Variants in ACSS1 observed in about 807,000 individuals in gnomAD.
ACSS1 encodes the protein acyl-CoA synthetase short chain family member 1.
ACSS1 carries 42 observed loss-of-function variants against 75.3 expected under a neutral mutation model. The observed-to-expected ratio is 0.56, with a 90% CI of 0.44 to 0.72. The LOEUF is 0.72. Ranked by LOEUF, ACSS1 falls within the 30% of genes least tolerant of loss-of-function variation. The pLI is 0.00. For synonymous variants in ACSS1, 380 were observed against 376.8 expected, an observed-to-expected ratio of 1.01 and a Z score of -0.10; for missense variants, 782 against 935.7, an observed-to-expected ratio of 0.84 and a Z score of 2.14.
Position 25,021,560 on chromosome 20 carries a change from C to A in ACSS1, c.961-24G>T, listed in dbSNP as rs199867391. On this transcript the variant is annotated intron_variant, in intron 5 of 13. Transcript: ENST00000323482. Reference sequence around the variant, plus strand: ...AGCTGCAGAGACAGGAAAGGAGCATCAGGAGCTTGTCCCCCCACTCCACCA... The same window carrying A: ...AGCTGCAGAGACAGGAAAGGAGCATAAGGAGCTTGTCCCCCCACTCCACCA... 209 of 1,609,442 alleles carry A rather than the reference C, an allele frequency of 1.3e-4. 2 individuals carry two copies. In the East Asian group the frequency reaches 2.4e-3, roughly 18 times the overall value.
intron 2 of ACSS1, among the ~76,000 whole-genome samples, chr20:25,043,866 G>T (rs567662417): frequency 6.6e-6 from 1 of 152,328 alleles, no homozygotes; most frequent in South Asian, 2.1e-4. Context: ...CCAGAGGGAT[G>T]GGTCCAAGGC....
chr20:25,044,569 TACCA>T (rs1466153542), intron 2 of ACSS1, among the ~76,000 whole-genome samples: 2 of 152,124 alleles, frequency 1.3e-5, no homozygotes. Flanking sequence ...GTTGTGACAG[TACCA>T]CTACACTCCA....
At chr20:25,046,999 G>A in intron 2 of ACSS1, 1 of 757,010 alleles carries the variant, frequency 1.3e-6, no homozygotes, top group Non-Finnish European at 2.5e-6. Flanking sequence ...GGGCCGAGGG[G>A]AGGAACGAGC....
At chr20:25,019,191 G>A (rs1370767469) in intron 7 of ACSS1, among the ~76,000 whole-genome samples, 2 of 152,118 alleles carry the variant, frequency 1.3e-5, no homozygotes, top group African/African-American at 2.4e-5. Flanking sequence ...GGCTGACCAC[G>A]CGTGACCACA....
chr20:25,024,620 C>T (rs192709206), intron 3 of ACSS1, among the ~76,000 whole-genome samples: 10 of 152,348 alleles, frequency 6.6e-5, no homozygotes, highest in Admixed American at 2.0e-4. Flanking sequence ...ACTCCCTACC[C>T]TTTGCATGGA....
intron 8 of ACSS1, among the ~76,000 whole-genome samples, 180 bp from the exon 9 acceptor site, chr20:25,014,253 G>A (rs2088475801): frequency 6.6e-6 from 1 of 152,200 alleles, no homozygotes; most frequent in South Asian, 2.1e-4. Context: ...ATGAGAGGCG[G>A]CCCCACAGTG....
chr20:25,010,343 CCTT>C (rs1264892695), intron 12 of ACSS1: 1 of 152,308 alleles, frequency 6.6e-6, no homozygotes, highest in Non-Finnish European at 1.5e-5. Context: ...GGGTCAGAGA[CCTT>C]CTCACTCACT....
chr20:25,057,866 G>A lies in ACSS1; in HGVS notation c.237C>T (p.Asp79=). The change falls in exon 1 of 14, where the codon GAC becomes GAT. Residue 79 remains aspartate, a synonymous_variant. Coordinates refer to ENST00000323482, the MANE Select transcript of ACSS1 (RefSeq NM_032501.4). ...PAAFWGPLAR[D]TLVWDTPYHT... ...GGTAGGGGGTGTCCCACACGAGAGT[G>A]TCCCGCGCCAGAGGCCCCCAGAAGG... 5 of 1,612,684 alleles carry A rather than the reference G, an allele frequency of 3.1e-6. No individual in the cohort carries two copies. The highest frequency in any genetic ancestry group is 4.2e-6 in the Non-Finnish European group (5 of 1,179,652).
chr20:25,056,995 C>A (rs1185900515), intron 1 of ACSS1, among the ~76,000 whole-genome samples: 1 of 152,216 alleles, frequency 6.6e-6, no homozygotes, highest in South Asian at 2.1e-4. Context: ...CGACCCCCAG[C>A]CCCAAATCTT....
intron 2 of ACSS1, chr20:25,031,192 G>T: frequency 1.6e-6 from 1 of 623,058 alleles, no homozygotes; most frequent in Admixed American, 2.6e-5. Context: ...GGGTGACAAG[G>T]CTATCCTTAA....
intron 12 of ACSS1, chr20:25,010,527 C>T (rs1297059583): frequency 6.6e-6 from 1 of 152,288 alleles, no homozygotes; most frequent in African/African-American, 2.4e-5. Context: ...CCTATTCATC[C>T]CTCAAGACTC....
chr20:25,048,015 C>T, intron 2 of ACSS1, 70 bp downstream of exon 2: 1 of 1,426,100 alleles, frequency 7.0e-7, no homozygotes, highest in Non-Finnish European at 9.7e-7. Flanking sequence ...CCCTCCCTGA[C>T]AGCCAGACTC....
At chr20:25,018,735 A>G (rs2088563743) in intron 7 of ACSS1, among the ~76,000 whole-genome samples, 1 of 152,094 alleles carries the variant, frequency 6.6e-6, no homozygotes, top group Non-Finnish European at 1.5e-5. Flanking sequence ...TAGTATTCAA[A>G]CTCCTCCTGC....
At chr20:25,036,972 GAAGA>G (rs1168137502) in intron 2 of ACSS1, among the ~76,000 whole-genome samples, 193 of 121,748 alleles carry the variant, frequency 1.6e-3, no homozygotes, top group Middle Eastern at 4.0e-3. Context: ...AAAAGAAGAA[GAAGA>G]AAGAAAGAAA....
At chr20:25,029,261 AC>A (rs2088781175) in intron 3 of ACSS1, among the ~76,000 whole-genome samples, 1 of 152,236 alleles carries the variant, frequency 6.6e-6, no homozygotes. Flanking sequence ...CAAATGGCCA[AC>A]AAGTACATAA....
intron 2 of ACSS1, chr20:25,032,383 G>T: frequency 7.2e-7 from 1 of 1,395,930 alleles, no homozygotes; most frequent in Non-Finnish European, 9.3e-7. Context: ...CATGCGGTGC[G>T]AAGTGGAGGA....
At chr20:25,045,348 C>T (rs190418569) in intron 2 of ACSS1, among the ~76,000 whole-genome samples, 54 of 152,312 alleles carry the variant, frequency 3.5e-4, no homozygotes, top group African/African-American at 1.2e-3. Context: ...AAATCCTCCA[C>T]TTGCAGGGTA....
chr20:25,021,622 G>T, intron 5 of ACSS1, 86 bp from the exon 6 acceptor site: 11 of 1,536,266 alleles, frequency 7.2e-6, no homozygotes, highest in Non-Finnish European at 9.7e-6. Flanking sequence ...GGCATGCATA[G>T]GCTGCAGTCC....
chr20:25,023,669 A>T (rs772454060), intron 3 of ACSS1, 28 bp from the exon 4 acceptor site: 3 of 1,567,714 alleles, frequency 1.9e-6, no homozygotes, highest in Non-Finnish European at 2.6e-6. Context: ...GACATTTCTG[A>T]TCAGTCTCCT....
Sources: gnomAD v4.1 joint callset for allele counts (sites outside exome capture counted in the v4.1 genomes callset) on GRCh38, gnomAD v4.1.1 for gene constraint, MANE v1.5 for transcripts, NCBI Gene and HGNC (gene_info 2026-07-23, HGNC 2026-07-21) for gene names.